CLMP: variants seen among roughly 807,000 people sequenced by gnomAD.
CLMP encodes CXADR like cell adhesion molecule.
In CLMP, 27 loss-of-function variants were observed where a neutral mutation model predicts 45.2. That is an observed-to-expected ratio of 0.60 (90% CI 0.44 to 0.82). The LOEUF is 0.82. CLMP is among the 40% of genes least tolerant of loss of function. CLMP has a pLI of 0.00. For synonymous variants in CLMP, 167 were observed against 171.4 expected (o/e 0.97, Z 0.20); for missense variants, 403 against 448.4 (o/e 0.90, Z 0.91).
chr11:123,177,339 T>C (rs1591487820), intron 1 of CLMP, among the ~76,000 whole-genome samples: 2 of 152,248 alleles, frequency 1.3e-5, no homozygotes, highest in East Asian at 1.9e-4. Flanking sequence ...GAGTGGACAT[T>C]GGCCCTGTGC....
chr11:123,152,849 C>T (rs1861357615), intron 1 of CLMP, among the ~76,000 whole-genome samples: 1 of 152,050 alleles, frequency 6.6e-6, no homozygotes, highest in South Asian at 2.1e-4. Context: ...TGTATCCTTT[C>T]CCATTTATAT....
intron 1 of CLMP, among the ~76,000 whole-genome samples, chr11:123,143,990 G>A (rs950104179): frequency 7.2e-5 from 11 of 152,046 alleles, no homozygotes; most frequent in African/African-American, 2.4e-4. Context: ...TGTATTTTTA[G>A]TAGAGATGGG....
intron 1 of CLMP, among the ~76,000 whole-genome samples, chr11:123,153,543 G>T (rs1372180134): frequency 6.6e-6 from 1 of 152,168 alleles, no homozygotes; most frequent in Non-Finnish European, 1.5e-5. Flanking sequence ...GGGAGGGACT[G>T]CCCCAAACAC....
chr11:123,146,886 T>C lies in CLMP; in HGVS notation c.28+48027A>G, dbSNP rs141954260. On this transcript the variant is annotated intron_variant, in intron 1 of 6. Transcript: ENST00000448775. ...AGCGCTGTGCCTCCTGCATCACTTA[T>C]CGGATTGAATGGGGCTACTCCCTAC... Among the ~76,000 whole-genome samples the C allele has an allele frequency of 4.8e-3, 736 of 152,264 alleles. 6 individuals are homozygous for C. Among genetic ancestry groups the C allele is most frequent in the African/African-American group, 0.017 (712 of 41,550 alleles).
intron 1 of CLMP, among the ~76,000 whole-genome samples, chr11:123,102,462 G>A (rs1241058332): frequency 2.0e-5 from 3 of 151,030 alleles, no homozygotes; most frequent in South Asian, 4.2e-4. Flanking sequence ...TGTATTTTTA[G>A]TAGAGACAGG....
chr11:123,156,352 G>A (rs1861414948), intron 1 of CLMP, among the ~76,000 whole-genome samples: 1 of 152,184 alleles, frequency 6.6e-6, no homozygotes, highest in African/African-American at 2.4e-5. Flanking sequence ...GAGCATACAG[G>A]CCAGAACAGA....
chr11:123,152,924 G>A (rs12574703), intron 1 of CLMP, among the ~76,000 whole-genome samples: 8,371 of 152,196 alleles, frequency 0.055, 371 homozygotes, highest in East Asian at 0.24. Context: ...GGTTGTGTGC[G>A]TAATATCTGG....
chr11:123,082,691 A>G (rs767597638), intron 5 of CLMP, among the ~76,000 whole-genome samples: 7 of 150,024 alleles, frequency 4.7e-5, no homozygotes, highest in Non-Finnish European at 1.0e-4. Flanking sequence ...GCTCACTGCA[A>G]CCTCCGCCTC....
Position 123,074,802 on chromosome 11 carries a change from T to C in CLMP, c.721A>G (p.Ile241Val). The C allele has an allele frequency of 3.1e-6, 5 of 1,614,206 alleles. No homozygotes were observed. Among genetic ancestry groups the C allele is most frequent in the Non-Finnish European group, 4.2e-6 (5 of 1,180,032 alleles). Reference protein sequence around the residue: ...IGMVAGAVTGIVAGALLIFLL... With the variant: ...IGMVAGAVTGVVAGALLIFLL... ...AAAATCAGCAGGGCTCCAGCCACTA[T>C]GCCTGTCACTGCTCCTGCAACCATG... Residue 241 changes from isoleucine (I) to valine (V), a missense_variant, in exon 6 of 7, where the codon ATA becomes GTA. Physicochemically the swap from Ile to Val is conservative, Grantham distance 29. Transcript: ENST00000448775.
At chr11:123,178,410 C>T (rs1452315846) in intron 1 of CLMP, among the ~76,000 whole-genome samples, 1 of 152,228 alleles carries the variant, frequency 6.6e-6, no homozygotes, top group Non-Finnish European at 1.5e-5. Context: ...TCCATTCCTT[C>T]ACTCTAGCAT....
chr11:123,158,225 C>A (rs774090673), intron 1 of CLMP, among the ~76,000 whole-genome samples: 1 of 152,210 alleles, frequency 6.6e-6, no homozygotes, highest in African/African-American at 2.4e-5. Context: ...CTCTCAGCCT[C>A]TAAGTGCCCT....
At chr11:123,135,653 A>G (rs570292994) in intron 1 of CLMP, among the ~76,000 whole-genome samples, 2 of 152,316 alleles carry the variant, frequency 1.3e-5, no homozygotes, top group South Asian at 2.1e-4. Context: ...TCTAAATCCA[A>G]TGGTGATATT....
chr11:123,083,662 G>A lies in CLMP; in HGVS notation c.556+18C>T. On this transcript the variant is annotated intron_variant, in intron 4 of 6. Coordinates refer to ENST00000448775, the MANE Select transcript of CLMP (RefSeq NM_024769.5). ...GACTATTTTGTTGGCTCAATAGATT[G>A]GTAGGAAGATGACTTACCAATCCTA... The A allele has an allele frequency of 6.2e-7, 1 of 1,612,984 alleles. No homozygotes were observed. Among genetic ancestry groups the A allele is most frequent in the Non-Finnish European group, 8.5e-7 (1 of 1,179,070 alleles).
rs1027820607 is a variant in CLMP at position 123,074,861 on chromosome 11, A to G, written c.680-18T>C. The stretch of plus-strand genomic sequence containing the variant: ...TTGTACATCTATTTTCTCAGAAGCA[A>G]AAGCACAAGTAAAACCAAACGTAAG... On this transcript the variant is annotated intron_variant, in intron 5 of 6. Transcript: ENST00000448775. 1 of 1,610,974 alleles carries G rather than the reference A, an allele frequency of 6.2e-7. No individual in the cohort carries two copies. The highest frequency in any genetic ancestry group is 1.3e-5 in the African/African-American group (1 of 74,730).
chr11:123,185,442 G>A (rs547964408), intron 1 of CLMP, among the ~76,000 whole-genome samples: 9 of 152,306 alleles, frequency 5.9e-5, no homozygotes, highest in African/African-American at 2.2e-4. Context: ...AGCAGCATGT[G>A]GGGACGGTCA....
chr11:123,084,790 G>C (rs1410933058), intron 2 of CLMP, 77 bp from the exon 3 acceptor site: 1 of 1,303,274 alleles, frequency 7.7e-7, no homozygotes, highest in Non-Finnish European at 1.1e-6. Flanking sequence ...GAAGAGGAAA[G>C]GGAGTACTCC....
In CLMP at chr11:123,097,959, G is replaced by A. The variant is rs1866010156; in HGVS notation, c.29-7C>T. On this transcript the variant is annotated splice_polypyrimidine_tract_variant and splice_region_variant and intron_variant, in intron 1 of 6. Coordinates refer to ENST00000448775, the MANE Select transcript of CLMP (RefSeq NM_024769.5). ...GTTCCAACATAGTAGGAAACTGGAA[G>A]AGGAAAATCTTTAATGAGTAATGCA... The A allele has an allele frequency of 7.8e-6, 12 of 1,540,802 alleles. No homozygotes were observed. Among genetic ancestry groups the A allele is most frequent in the Non-Finnish European group, 1.1e-5 (12 of 1,141,786 alleles).
chr11:123,175,500 G>C (rs2135544148), intron 1 of CLMP, among the ~76,000 whole-genome samples: 1 of 152,150 alleles, frequency 6.6e-6, no homozygotes, highest in South Asian at 2.1e-4. Context: ...TTTGAGTGAG[G>C]ACACAGAGCC....
intron 1 of CLMP, among the ~76,000 whole-genome samples, chr11:123,142,620 T>TC (rs1393824309): frequency 8.4e-6 from 1 of 119,416 alleles, no homozygotes; most frequent in Non-Finnish European, 1.7e-5. Context: ...GGATGAGGTT[T>TC]CTTTTTTTTT....
Sources: allele counts gnomAD v4.1 joint callset (sites outside exome capture counted in the v4.1 genomes callset), GRCh38; gene constraint gnomAD v4.1.1; transcripts MANE v1.5; gene names NCBI Gene and HGNC (gene_info 2026-07-23, HGNC 2026-07-21).